CUX1: variants seen among roughly 807,000 people sequenced by gnomAD.
The protein encoded by CUX1 is protein CASP.
In CUX1, 31 loss-of-function variants were observed where a neutral mutation model predicts 158.8. The observed-to-expected ratio is 0.20, with a 90% CI of 0.15 to 0.26. The LOEUF is 0.26. Ranked by LOEUF, CUX1 falls within the 10% of genes least tolerant of loss-of-function variation. The pLI, the probability that CUX1 is intolerant of heterozygous loss-of-function variation, is 1.00. For synonymous variants in CUX1, 879 were observed against 862.1 expected (o/e 1.02, Z -0.34); for missense variants, 1,589 against 2,014.6 (o/e 0.79, Z 4.04).
In CUX1 at chr7:101,918,295, T is replaced by G. The variant is rs117136729; in HGVS notation, c.141+2070T>G. ...TCGTGCCTTGTGTCGAATTCCACAT[T>G]AGTTACTCAAAGACACCTGGCCTTA... On this transcript the variant is annotated intron_variant, in intron 2 of 23. Coordinates refer to ENST00000292535, the MANE Select transcript of CUX1 (RefSeq NM_181552.4). Among the ~76,000 whole-genome samples the G allele has an allele frequency of 3.7e-4, 56 of 152,356 alleles. No homozygotes were observed. The East Asian group carries it at 0.01, about 28-fold the overall frequency.
intron 1 of CUX1, among the ~76,000 whole-genome samples, chr7:101,907,474 G>A (rs778775081): frequency 2.6e-5 from 4 of 151,968 alleles, no homozygotes; most frequent in East Asian, 1.9e-4. Context: ...TCAGCCTCCC[G>A]AATAGCTGGG....
At chr7:102,144,670 CA>C (rs372623244) in intron 8 of CUX1, among the ~76,000 whole-genome samples, 43 of 131,738 alleles carry the variant, frequency 3.3e-4, no homozygotes, top group Middle Eastern at 4.0e-3. Flanking sequence ...GACCCTGTCT[CA>C]AAAAAAAAAA....
At chr7:102,020,469 A>G (rs1052071840) in intron 2 of CUX1, among the ~76,000 whole-genome samples, 2 of 152,262 alleles carry the variant, frequency 1.3e-5, no homozygotes, top group Admixed American at 6.5e-5. Flanking sequence ...TCTTGTATAC[A>G]TTGATAAGGG....
Position 102,248,382 on chromosome 7 carries a change from C to G in CUX1, c.3888-30C>G, listed in dbSNP as rs782679689. 2.5e-5 allele frequency: 39 copies of G among 1,557,324 alleles called. No individual in the cohort carries two copies. Among genetic ancestry groups the G allele is most frequent in the South Asian group, 2.3e-4 (20 of 86,838 alleles). On this transcript the variant is annotated intron_variant, in intron 23 of 23. Transcript: ENST00000292535. The surrounding 1 kb of genome is among the most constrained non-coding windows in gnomAD (Gnocchi z 5.8). The stretch of plus-strand genomic sequence containing the variant: ...AGGCCCTTTCCCCAGCAGCACCCCC[C>G]TCACGTCCCCGCCGCTTGTTGTCTT...
intron 2 of CUX1, among the ~76,000 whole-genome samples, chr7:101,930,765 T>G (rs1439214300): frequency 6.6e-6 from 1 of 152,196 alleles, no homozygotes; most frequent in African/African-American, 2.4e-5. Flanking sequence ...ATGCAAGATC[T>G]GAGCAAGCCA....
chr7:102,055,353 G>A (rs1824014186), intron 3 of CUX1, among the ~76,000 whole-genome samples: 1 of 152,120 alleles, frequency 6.6e-6, no homozygotes, highest in African/African-American at 2.4e-5. Context: ...ATGGAAGTCT[G>A]TAGCAACCCT....
chr7:101,963,189 C>T (rs1425272317), intron 2 of CUX1, among the ~76,000 whole-genome samples: 1 of 152,204 alleles, frequency 6.6e-6, no homozygotes. Context: ...CCCTGCCTAT[C>T]CTTCAGTGAC....
intron 2 of CUX1, among the ~76,000 whole-genome samples, chr7:101,933,614 G>A (rs1228657757): frequency 1.3e-5 from 2 of 152,002 alleles, no homozygotes; most frequent in African/African-American, 4.8e-5. Flanking sequence ...ATTTTCAGTA[G>A]GTGTCATGTT....
intron 3 of CUX1, among the ~76,000 whole-genome samples, chr7:102,066,237 C>T (rs1025152200): frequency 1.2e-4 from 18 of 152,120 alleles, no homozygotes; most frequent in African/African-American, 3.9e-4. Context: ...TCTCCTTCAT[C>T]GCTCTGTGAC....
intron 1 of CUX1, among the ~76,000 whole-genome samples, chr7:101,852,019 A>AG (rs1796313996): frequency 6.6e-6 from 1 of 151,584 alleles, no homozygotes; most frequent in African/African-American, 2.4e-5. Context: ...TTATAGAGAT[A>AG]GGGTCTCACT....
At chr7:102,060,587 A>G (rs1437401913) in intron 3 of CUX1, among the ~76,000 whole-genome samples, 2 of 102,592 alleles carry the variant, frequency 1.9e-5, no homozygotes, top group African/African-American at 6.9e-5. Flanking sequence ...ATACATATAT[A>G]TATATACACA....
chr7:101,876,877 G>T (rs1249248474), intron 1 of CUX1, among the ~76,000 whole-genome samples: 2 of 151,930 alleles, frequency 1.3e-5, no homozygotes, highest in Non-Finnish European at 2.9e-5. Context: ...GCCTCCCAAA[G>T]TGCTGAGATT....
At chr7:102,024,783 T>C (rs1362811039) in intron 2 of CUX1, among the ~76,000 whole-genome samples, 1 of 152,216 alleles carries the variant, frequency 6.6e-6, no homozygotes, top group African/African-American at 2.4e-5. Flanking sequence ...TTTCCCTTGT[T>C]ACCCTTTGTG....
intron 9 of CUX1, 62 bp downstream of exon 9, chr7:102,158,670 G>A (rs1403857031): frequency 6.6e-6 from 10 of 1,508,690 alleles, no homozygotes; most frequent in African/African-American, 4.1e-5. Flanking sequence ...CTGGCATCTC[G>A]GAAGATGCGT....
At chr7:102,101,270 GC>G (rs1829744510) in intron 5 of CUX1, among the ~76,000 whole-genome samples, 2 of 152,160 alleles carry the variant, frequency 1.3e-5, no homozygotes, top group Non-Finnish European at 2.9e-5. Flanking sequence ...CACCCATCCC[GC>G]AATGATGAGT....
upstream of CUX1, chr7:101,817,313 G>T (rs1467386080): frequency 3.0e-6 from 3 of 984,798 alleles, no homozygotes; most frequent in African/African-American, 3.5e-5. The surrounding 1 kb of genome is among the most constrained non-coding windows in gnomAD (Gnocchi z 4.1). Context: ...TCCCCTCGGG[G>T]CTTCTGCCCT....
intron 22 of CUX1, among the ~76,000 whole-genome samples, chr7:102,234,550 G>A (rs888738124): frequency 4.6e-5 from 7 of 152,062 alleles, no homozygotes; most frequent in Admixed American, 6.6e-5. Context: ...GTGGCTGATC[G>A]GGCTATCACA....
intron 3 of CUX1, among the ~76,000 whole-genome samples, chr7:102,051,615 T>C (rs1823507461): frequency 6.9e-6 from 1 of 145,602 alleles, no homozygotes; most frequent in Non-Finnish European, 1.5e-5. Flanking sequence ...AGATCGTGCC[T>C]CTGCACTCCA....
intron 1 of CUX1, among the ~76,000 whole-genome samples, chr7:101,885,705 G>A (rs564491010): frequency 3.0e-4 from 45 of 152,276 alleles, no homozygotes; most frequent in Non-Finnish European, 4.0e-4. Flanking sequence ...GCATGGCCTC[G>A]GACGACTTCC....
Sources: gnomAD v4.1 joint callset for allele counts (sites outside exome capture counted in the v4.1 genomes callset) on GRCh38, gnomAD v4.1.1 for gene constraint, Gnocchi (gnomAD v3.1) non-coding constraint, MANE v1.5 for transcripts, NCBI Gene and HGNC (gene_info 2026-07-23, HGNC 2026-07-21) for gene names.